Variants in NFIX observed in about 807,000 individuals in gnomAD.
NFIX encodes nuclear factor 1 X-type.
A neutral mutation model predicts 53.3 loss-of-function variants in NFIX; 2 were observed. The ratio of observed to expected loss-of-function variants is 0.04; its 90% CI spans 0.02 to 0.12. The LOEUF (loss-of-function observed/expected upper bound fraction) is 0.12. Ranked by LOEUF, NFIX falls within the 10% of genes least tolerant of loss-of-function variation. The probability of loss-of-function intolerance (pLI) is 1.00; values close to 1 mark genes in which losing one functional copy is unlikely to be tolerated. For missense variants in NFIX, 310 were observed against 674.5 expected (o/e 0.46, Z 5.99); for synonymous variants, 244 against 289.0 (o/e 0.84, Z 1.58).
intron 2 of NFIX, among the ~76,000 whole-genome samples, chr19:13,035,273 C>T (rs931592812): frequency 2.6e-5 from 4 of 152,200 alleles, no homozygotes; most frequent in South Asian, 2.1e-4. Context: ...TTCGCTTTTC[C>T]GGATAGCAGA....
intron 8 of NFIX, among the ~76,000 whole-genome samples, chr19:13,084,485 A>G (rs1180368036): frequency 6.6e-6 from 1 of 152,142 alleles, no homozygotes; most frequent in Non-Finnish European, 1.5e-5. Context: ...AATTTTATAG[A>G]CAATTGCAGA....
At chr19:13,030,995 G>A (rs948179902) in intron 2 of NFIX, among the ~76,000 whole-genome samples, 2 of 152,240 alleles carry the variant, frequency 1.3e-5, no homozygotes, top group Non-Finnish European at 2.9e-5. Flanking sequence ...AACTTGGGGT[G>A]CTGGGTCTGG....
Position 13,076,414 on chromosome 19 carries a change from C to T in NFIX, c.955+743C>T, listed in dbSNP as rs143989893. On this transcript the variant is annotated intron_variant, in intron 6 of 10. Transcript: ENST00000592199. ...CTCCATTCTTGACTGAGGGTGCAGA[C>T]AGACCTAGAGAGGACTCTGGAAGAC... 9.4e-4 allele frequency among the ~76,000 whole-genome samples: 143 copies of T among 152,310 alleles called. 1 individual carries two copies. Among genetic ancestry groups the T allele is most frequent in the Non-Finnish European group, 1.8e-3 (122 of 68,020 alleles).
rs1211425324 is a variant in NFIX, at chr19:13,093,377, TTC to T, written c.1495-1256_1495-1255del. ...AAATATTGGAAATTTTCACACGAAA[TTC>T]TGTTTGGGCTTCTGGCTTCTTTTGA... On this transcript the variant is annotated intron_variant, in intron 10 of 10. Coordinates refer to ENST00000592199, the MANE Select transcript of NFIX (RefSeq NM_001365902.3). The surrounding 1 kb of genome is among the most constrained non-coding windows in gnomAD (Gnocchi z 4.7). Among the ~76,000 whole-genome samples, 1 of 152,226 alleles carries T rather than the reference TTC, an allele frequency of 6.6e-6. No individual in the cohort carries two copies. The highest frequency in any genetic ancestry group is 1.5e-5 in the Non-Finnish European group (1 of 68,040).
chr19:13,083,643 A>C (rs1024730804), intron 8 of NFIX, among the ~76,000 whole-genome samples: 5 of 152,274 alleles, frequency 3.3e-5, no homozygotes, highest in Admixed American at 3.3e-4. Flanking sequence ...AAAACACCGC[A>C]AACAGGCACC....
At chr19:13,020,844 C>G (rs1449599957) in intron 1 of NFIX, among the ~76,000 whole-genome samples, 3 of 152,102 alleles carry the variant, frequency 2.0e-5, no homozygotes, top group Non-Finnish European at 2.9e-5. Context: ...ATCCTTCCAT[C>G]TGTCATTTCC....
In NFIX at chr19:13,060,217, T is replaced by A. The variant is rs2015988674; in HGVS notation, c.560-12830T>A. Among the ~76,000 whole-genome samples the A allele has an allele frequency of 6.6e-6, 1 of 152,230 alleles. No individual in the cohort carries two copies. The highest frequency in any genetic ancestry group is 2.1e-4 in the South Asian group (1 of 4,838). ...CAGGTAATTCCACTCTGGCTGCTCCTTGGAGAACAGAGTGGATGAACTCAG... is the reference window on the plus strand; with the variant it reads ...CAGGTAATTCCACTCTGGCTGCTCCATGGAGAACAGAGTGGATGAACTCAG... On this transcript the variant is annotated intron_variant, in intron 2 of 10. Coordinates refer to ENST00000592199, the MANE Select transcript of NFIX (RefSeq NM_001365902.3). This position sits in a 1 kb window ranked among gnomAD's most constrained non-coding sequence, Gnocchi z 4.3.
chr19:13,048,578 G>A (rs1230061412), intron 2 of NFIX, among the ~76,000 whole-genome samples: 1 of 152,002 alleles, frequency 6.6e-6, no homozygotes, highest in African/African-American at 2.4e-5. Context: ...AAGTGTACAA[G>A]GCCAGGCATG....
At chr19:13,004,092 A>G (rs1198885787) in intron 1 of NFIX, among the ~76,000 whole-genome samples, 1 of 152,010 alleles carries the variant, frequency 6.6e-6, no homozygotes, top group African/African-American at 2.4e-5. Context: ...TGGTTGTCAC[A>G]CTTGTGGAGG....
chr19:13,024,916 C>G, intron 1 of NFIX, 105 bp from the exon 2 acceptor site: 26 of 1,400,162 alleles, frequency 1.9e-5, no homozygotes, highest in African/African-American at 2.9e-5. Flanking sequence ...TTCCTTGTGC[C>G]CCCCCTTCTA....
intron 2 of NFIX, among the ~76,000 whole-genome samples, chr19:13,039,907 C>A (rs1200189122): frequency 6.6e-6 from 1 of 151,852 alleles, no homozygotes; most frequent in Non-Finnish European, 1.5e-5. Flanking sequence ...TAAAGGCTCA[C>A]GATGGTATAA....
Position 13,027,659 on chromosome 19 carries a change from G to A in NFIX, c.559+2107G>A, listed in dbSNP as rs1463478537. Among the ~76,000 whole-genome samples, 1 of 152,186 alleles carries A rather than the reference G, an allele frequency of 6.6e-6. No individual in the cohort carries two copies. Among genetic ancestry groups the A allele is most frequent in the African/African-American group, 2.4e-5 (1 of 41,430 alleles). On this transcript the variant is annotated intron_variant, in intron 2 of 10. Transcript: ENST00000592199. This position sits in a 1 kb window ranked among gnomAD's most constrained non-coding sequence, Gnocchi z 4.3. Reference sequence around the variant, plus strand: ...TTTATTTTAGGCCGAATTCTTGACTGCTGCCAGTGTGGGGCTAAGGTAGGA... The same window carrying A: ...TTTATTTTAGGCCGAATTCTTGACTACTGCCAGTGTGGGGCTAAGGTAGGA...
At chr19:13,092,112 C>A (rs2018180188) in intron 10 of NFIX, among the ~76,000 whole-genome samples, 3 of 152,100 alleles carry the variant, frequency 2.0e-5, no homozygotes. Context: ...CAGGCGGCTG[C>A]AACGGGCGGG....
intron 2 of NFIX, among the ~76,000 whole-genome samples, chr19:13,034,938 C>T (rs1266247047): frequency 3.9e-5 from 6 of 152,292 alleles, no homozygotes; most frequent in East Asian, 1.9e-4. Flanking sequence ...TGTTGACATT[C>T]GAGTGAGATC....
At position 13,078,659 on chromosome 19, in the gene NFIX, C is replaced by T. The variant is rs1423843675; in HGVS notation, c.1002C>T (p.Ala334=). ...KKSGKLDFCS[A]LSSQGSSPRM... ...CAGGAAAGCTGGACTTCTGCAGTGC[C>T]CTCTCCTCTCAGGGCAGCTCCCCGC... Residue 334 remains alanine, a synonymous_variant, in exon 7 of 11, where the codon GCC becomes GCT. Coordinates refer to ENST00000592199, the MANE Select transcript of NFIX (RefSeq NM_001365902.3). This position sits in a 1 kb window ranked among gnomAD's most constrained non-coding sequence, Gnocchi z 4.7. 1 of 1,599,936 alleles carries T rather than the reference C, an allele frequency of 6.3e-7. No homozygotes were observed. The highest frequency in any genetic ancestry group is 1.7e-5 in the Admixed American group (1 of 58,206).
rs1327203678 is a variant in NFIX at position 13,005,465 on chromosome 19, G to C, written c.27+9601G>C. 6.6e-6 allele frequency among the ~76,000 whole-genome samples: 1 copy of C among 152,174 alleles called. No individual in the cohort carries two copies. Among genetic ancestry groups the C allele is most frequent in the African/African-American group, 2.4e-5 (1 of 41,438 alleles). On this transcript the variant is annotated intron_variant, in intron 1 of 10. Transcript: ENST00000592199. The surrounding 1 kb of genome is among the most constrained non-coding windows in gnomAD (Gnocchi z 4.7). Reference sequence around the variant, plus strand: ...CTAGCTGTGTAACTTCAGGCAAGTTGCTTAACCTCTCTGGGTCTCAATTTC... The same window carrying C: ...CTAGCTGTGTAACTTCAGGCAAGTTCCTTAACCTCTCTGGGTCTCAATTTC...
At chr19:13,026,900 C>T (rs2013410579) in intron 2 of NFIX, among the ~76,000 whole-genome samples, 1 of 152,148 alleles carries the variant, frequency 6.6e-6, no homozygotes. Context: ...GTCTCTGTGT[C>T]TTTCTTCCTG....
At chr19:13,018,640 C>T (rs965917278) in intron 1 of NFIX, among the ~76,000 whole-genome samples, 1 of 152,218 alleles carries the variant, frequency 6.6e-6, no homozygotes, top group Non-Finnish European at 1.5e-5. Flanking sequence ...TCGTTGGCCC[C>T]CAACTGAGGG....
At position 13,098,400 on chromosome 19, in the gene NFIX, C is replaced by G. The variant is rs1273010606; in HGVS notation, c.*3751C>G. Reference sequence around the variant, plus strand: ...CGCGGACCGCAAAGGCCGCCCGTCCCGTCAAACAAGTTTCTTCTTAGGCTA... The same window carrying G: ...CGCGGACCGCAAAGGCCGCCCGTCCGGTCAAACAAGTTTCTTCTTAGGCTA... On this transcript the variant is annotated 3_prime_UTR_variant, in exon 11 of 11. Coordinates refer to ENST00000592199, the MANE Select transcript of NFIX (RefSeq NM_001365902.3). The G allele has an allele frequency of 6.6e-6, 1 of 152,016 alleles. No homozygotes were observed. Among genetic ancestry groups the G allele is most frequent in the Non-Finnish European group, 1.5e-5 (1 of 68,024 alleles). The allele number at this position is 152,016 out of a possible 1,614,324, so 9.4% of individuals were successfully genotyped here.
Sources: allele counts gnomAD v4.1 joint callset (sites outside exome capture counted in the v4.1 genomes callset), GRCh38; gene constraint gnomAD v4.1.1; non-coding constraint Gnocchi (gnomAD v3.1); transcripts MANE v1.5; gene names NCBI Gene and HGNC (gene_info 2026-07-23, HGNC 2026-07-21).